Variants in CNTNAP2 observed in about 807,000 individuals in gnomAD.
The protein encoded by CNTNAP2 is contactin-associated protein-like 2.
A neutral mutation model predicts 155.2 loss-of-function variants in CNTNAP2; 98 were observed. The observed-to-expected ratio is 0.63, with a 90% CI of 0.54 to 0.75. The LOEUF is 0.75. Among genes scored for constraint, CNTNAP2 ranks in the 30% least tolerant of loss-of-function variants. The pLI, the probability that CNTNAP2 is intolerant of heterozygous loss-of-function variation, is 0.00. For missense variants in CNTNAP2, 1,727 were observed against 1,688.1 expected, an observed-to-expected ratio of 1.02 and a Z score of -0.40; for synonymous variants, 651 against 631.2, an observed-to-expected ratio of 1.03 and a Z score of -0.47.
chr7:147,501,108 A>C (rs895791187), intron 11 of CNTNAP2, among the ~76,000 whole-genome samples: 3 of 152,076 alleles, frequency 2.0e-5, no homozygotes, highest in Admixed American at 2.0e-4. Context: ...ATTACACCGT[A>C]TAAACAAAAT....
chr7:148,248,066 C>T, intron 20 of CNTNAP2, among the ~76,000 whole-genome samples: 1 of 152,150 alleles, frequency 6.6e-6, no homozygotes, highest in Non-Finnish European at 1.5e-5. Flanking sequence ...TAGCCACCAC[C>T]ACACTCAAAA....
chr7:148,136,718 T>C (rs1804958664), intron 16 of CNTNAP2, among the ~76,000 whole-genome samples: 3 of 151,874 alleles, frequency 2.0e-5, no homozygotes, highest in Admixed American at 2.0e-4. Context: ...TGGAGATGAG[T>C]TTAACCCCAC....
chr7:146,425,861 A>C (rs1450763461), intron 1 of CNTNAP2, among the ~76,000 whole-genome samples: 1 of 152,082 alleles, frequency 6.6e-6, no homozygotes, highest in Non-Finnish European at 1.5e-5. Flanking sequence ...ATAAAAAACT[A>C]AATAAATTTT....
chr7:146,877,151 C>T (rs1325578101), intron 3 of CNTNAP2, among the ~76,000 whole-genome samples: 1 of 151,906 alleles, frequency 6.6e-6, no homozygotes, highest in Non-Finnish European at 1.5e-5. Context: ...CATTCAGAAA[C>T]AAGAACATAC....
intron 13 of CNTNAP2, among the ~76,000 whole-genome samples, chr7:147,859,422 C>CA (rs35631450): frequency 1.9e-3 from 250 of 130,122 alleles, no homozygotes; most frequent in Middle Eastern, 3.9e-3. Flanking sequence ...AGATCAAGAC[C>CA]AAAAAAAAAA....
At chr7:148,013,708 C>T (rs1802123095) in intron 15 of CNTNAP2, among the ~76,000 whole-genome samples, 1 of 152,214 alleles carries the variant, frequency 6.6e-6, no homozygotes, top group Non-Finnish European at 1.5e-5. Flanking sequence ...ATGACTTACA[C>T]ACCCTGCAAC....
chr7:147,761,242 A>G (rs1797294308), intron 13 of CNTNAP2, among the ~76,000 whole-genome samples: 1 of 152,172 alleles, frequency 6.6e-6, no homozygotes, highest in Non-Finnish European at 1.5e-5. Context: ...ATGCTGCTGA[A>G]ACTGACGTGA....
At chr7:147,905,280 G>A (rs1253757408) in intron 14 of CNTNAP2, among the ~76,000 whole-genome samples, 1 of 152,166 alleles carries the variant, frequency 6.6e-6, no homozygotes, top group Non-Finnish European at 1.5e-5. Flanking sequence ...CCCCAACTAG[G>A]AGAAGTGGGA....
At position 147,248,654 on chromosome 7, in the gene CNTNAP2, A is replaced by G. The variant is rs534737837; in HGVS notation, c.1349-51487A>G. 5.3e-5 allele frequency among the ~76,000 whole-genome samples: 8 copies of G among 152,368 alleles called. No individual in the cohort carries two copies. The East Asian group carries it at 7.7e-4, about 15-fold the overall frequency. On this transcript the variant is annotated intron_variant, in intron 8 of 23. Transcript: ENST00000361727. ...CTCTAGTTTGGCAAACAATATGAAT[A>G]AAGTGACAAGGTGATGATGAGCATG...
intron 2 of CNTNAP2, among the ~76,000 whole-genome samples, chr7:146,824,032 C>T (rs920558228): frequency 1.3e-5 from 2 of 152,096 alleles, no homozygotes; most frequent in African/African-American, 4.8e-5. Context: ...GCTCTCCCTC[C>T]CCCAGCCCTC....
At chr7:146,639,340 C>A (rs557298462) in intron 1 of CNTNAP2, among the ~76,000 whole-genome samples, 1 of 152,132 alleles carries the variant, frequency 6.6e-6, no homozygotes, top group African/African-American at 2.4e-5. Context: ...AAGAAAACAC[C>A]TGATAACCAA....
chr7:147,046,260 C>A (rs1799354394), intron 4 of CNTNAP2, among the ~76,000 whole-genome samples: 1 of 152,226 alleles, frequency 6.6e-6, no homozygotes, highest in South Asian at 2.1e-4. Flanking sequence ...ACTGAGTAGG[C>A]CTTCTCCCAG....
chr7:148,395,952 T>A, intron 22 of CNTNAP2, among the ~76,000 whole-genome samples: 1 of 152,154 alleles, frequency 6.6e-6, no homozygotes, highest in African/African-American at 2.4e-5. Flanking sequence ...CTACGATAGA[T>A]TTTGAACCCC....
intron 15 of CNTNAP2, among the ~76,000 whole-genome samples, chr7:148,063,966 G>A (rs1300514366): frequency 6.6e-6 from 1 of 152,046 alleles, no homozygotes; most frequent in Non-Finnish European, 1.5e-5. Flanking sequence ...AATCATCCCA[G>A]CACCATTTGT....
At chr7:147,974,887 T>C (rs978069064) in intron 14 of CNTNAP2, among the ~76,000 whole-genome samples, 4 of 151,930 alleles carry the variant, frequency 2.6e-5, no homozygotes, top group Non-Finnish European at 5.9e-5. Flanking sequence ...TTATTCATAA[T>C]AGCCAAACAC....
intron 12 of CNTNAP2, among the ~76,000 whole-genome samples, chr7:147,568,633 G>C (rs550035428): frequency 6.6e-6 from 1 of 152,046 alleles, no homozygotes; most frequent in Admixed American, 6.5e-5. Context: ...CTGAAAATTT[G>C]GTGTTAAAAC....
intron 1 of CNTNAP2, among the ~76,000 whole-genome samples, chr7:146,312,385 T>C (rs1268653326): frequency 6.6e-6 from 1 of 152,152 alleles, no homozygotes; most frequent in Non-Finnish European, 1.5e-5. Context: ...TAGCTTCATT[T>C]CACTGTTAGG....
At chr7:148,052,040 G>T (rs1802901756) in intron 15 of CNTNAP2, among the ~76,000 whole-genome samples, 1 of 151,688 alleles carries the variant, frequency 6.6e-6, no homozygotes, top group South Asian at 2.1e-4. Context: ...TCGGGAGGCT[G>T]AGGCAGGAGA....
intron 15 of CNTNAP2, among the ~76,000 whole-genome samples, chr7:148,095,981 A>C (rs1468904225): frequency 6.6e-6 from 1 of 152,258 alleles, no homozygotes; most frequent in Non-Finnish European, 1.5e-5. Flanking sequence ...ATATTAAAAG[A>C]AAGAGTCATG....
Sources: allele counts gnomAD v4.1 joint callset (sites outside exome capture counted in the v4.1 genomes callset), GRCh38; gene constraint gnomAD v4.1.1; transcripts MANE v1.5; gene names NCBI Gene and HGNC (gene_info 2026-07-23, HGNC 2026-07-21).